The following COLGALT2 variants were observed in gnomAD, a reference collection of about 807,000 sequenced individuals.
COLGALT2 encodes the protein collagen beta(1-O)galactosyltransferase 2.
COLGALT2 carries 49 observed loss-of-function variants against 73.4 expected under a neutral mutation model. That is an observed-to-expected ratio of 0.67 (90% CI 0.53 to 0.85). COLGALT2 has a LOEUF of 0.85. COLGALT2 is among the 40% of genes least tolerant of loss of function. COLGALT2 has a pLI of 0.00. For missense variants in COLGALT2, 722 were observed against 790.2 expected (o/e 0.91, Z 1.03); for synonymous variants, 295 against 307.6 (o/e 0.96, Z 0.43).
At chr1:184,003,602 C>A (rs1408290354) in intron 1 of COLGALT2, among the ~76,000 whole-genome samples, 2 of 152,072 alleles carry the variant, frequency 1.3e-5, no homozygotes, top group South Asian at 4.1e-4. Context: ...CCTGCTGTGC[C>A]CTTTATGAAT....
chr1:183,937,864 G>A lies in COLGALT2; in HGVS notation c.*897C>T. The A allele has an allele frequency of 1.0e-6, 1 of 985,464 alleles. No individual in the cohort carries two copies. Among genetic ancestry groups the A allele is most frequent in the South Asian group, 4.7e-5 (1 of 21,286 alleles). The allele number at this position is 985,464 out of a possible 1,614,324, so 61.0% of individuals were successfully genotyped here. A position where few individuals can be genotyped will look rare whatever the true frequency, so the allele number is the denominator to read the frequency against. On this transcript the variant is annotated 3_prime_UTR_variant, in exon 12 of 12. Coordinates refer to ENST00000361927, the MANE Select transcript of COLGALT2 (RefSeq NM_015101.4). ...GTGACTCACAGAACTCACACCTGCGGTGGGTTCCCAGGCTAAGGGGTGGAG... is the reference window on the plus strand; with the variant it reads ...GTGACTCACAGAACTCACACCTGCGATGGGTTCCCAGGCTAAGGGGTGGAG...
chr1:183,951,373 C>T (rs1172518234), intron 7 of COLGALT2, among the ~76,000 whole-genome samples: 1 of 152,134 alleles, frequency 6.6e-6, no homozygotes, highest in African/African-American at 2.4e-5. Flanking sequence ...TATGTTCTCC[C>T]TTCTCTTGAA....
At chr1:183,951,647 G>A (rs979395160) in intron 7 of COLGALT2, among the ~76,000 whole-genome samples, 15 of 151,992 alleles carry the variant, frequency 9.9e-5, no homozygotes, top group South Asian at 2.1e-4. Context: ...ACCAAAGAAG[G>A]TAAAGATCTT....
chr1:184,021,571 C>T (rs1294239745), intron 1 of COLGALT2, among the ~76,000 whole-genome samples: 3 of 152,154 alleles, frequency 2.0e-5, no homozygotes, highest in African/African-American at 4.8e-5. Flanking sequence ...CAGATGCCAG[C>T]CCCTCAATTT....
intron 1 of COLGALT2, among the ~76,000 whole-genome samples, chr1:184,035,382 T>G (rs1217712785): frequency 6.6e-6 from 1 of 152,224 alleles, no homozygotes; most frequent in Non-Finnish European, 1.5e-5. Flanking sequence ...AATTTGTAGA[T>G]TATAGGCTTA....
At chr1:184,028,217 C>A (rs1649388971) in intron 1 of COLGALT2, among the ~76,000 whole-genome samples, 2 of 152,190 alleles carry the variant, frequency 1.3e-5, no homozygotes, top group Non-Finnish European at 2.9e-5. Context: ...TACAACCACA[C>A]TTTTCACAAC....
At chr1:183,997,285 C>A (rs2102835381) in intron 1 of COLGALT2, among the ~76,000 whole-genome samples, 1 of 152,040 alleles carries the variant, frequency 6.6e-6, no homozygotes, top group East Asian at 1.9e-4. Flanking sequence ...ATAAATTTTA[C>A]CATGTAAGAT....
intron 8 of COLGALT2, among the ~76,000 whole-genome samples, chr1:183,947,105 A>G (rs1670272929): frequency 6.6e-6 from 1 of 152,218 alleles, no homozygotes; most frequent in South Asian, 2.1e-4. Context: ...CCTCAGAACC[A>G]TGAAACTGGA....
Position 183,950,978 on chromosome 1 carries a change from T to A in COLGALT2, c.1136+29A>T, listed in dbSNP as rs74133055. The A allele has an allele frequency of 6.0e-6, 9 of 1,490,680 alleles. No homozygotes were observed. The East Asian group carries it at 2.0e-4, about 34-fold the overall frequency. The allele number at this position is 1,490,680 out of a possible 1,614,324, so 92.3% of individuals were successfully genotyped here. A position where few individuals can be genotyped will look rare whatever the true frequency, so the allele number is the denominator to read the frequency against. ...AAGACACATCCACACTCCAATCACA[T>A]CTGCAATGGGAGAAGAAACCCAACT... is the stretch of plus-strand genomic sequence containing the variant. On this transcript the variant is annotated intron_variant, in intron 8 of 11. Coordinates refer to ENST00000361927, the MANE Select transcript of COLGALT2 (RefSeq NM_015101.4).
chr1:184,003,434 T>C (rs1671982956), intron 1 of COLGALT2, among the ~76,000 whole-genome samples: 1 of 152,194 alleles, frequency 6.6e-6, no homozygotes, highest in Admixed American at 6.5e-5. Context: ...TACCGATAGA[T>C]GCTCTGCTCA....
chr1:184,013,069 C>T (rs1370875291), intron 1 of COLGALT2, among the ~76,000 whole-genome samples: 1 of 152,216 alleles, frequency 6.6e-6, no homozygotes, highest in Non-Finnish European at 1.5e-5. Context: ...AATCTCAGCA[C>T]TTTGGGAGGC....
intron 4 of COLGALT2, among the ~76,000 whole-genome samples, chr1:183,972,617 A>G (rs1369472682): frequency 6.6e-6 from 1 of 152,064 alleles, no homozygotes; most frequent in Non-Finnish European, 1.5e-5. Context: ...AAAATAACCT[A>G]CCATGGTAGT....
chr1:183,976,355 T>TA (rs1558322228), intron 2 of COLGALT2, among the ~76,000 whole-genome samples: 1 of 148,348 alleles, frequency 6.7e-6, no homozygotes, highest in Admixed American at 6.7e-5. Context: ...GTATATATTA[T>TA]ATCATATTTA....
In COLGALT2 at chr1:183,936,521, C is replaced by T. The variant is rs1669959038; in HGVS notation, c.*2240G>A. The T allele has an allele frequency of 1.9e-6, 2 of 1,030,122 alleles. No individual in the cohort carries two copies. The highest frequency in any genetic ancestry group is 4.6e-5 in the South Asian group (1 of 21,626). 63.8% of individuals were successfully genotyped at this position (1,030,122 alleles called of 1,614,324 possible). ...TCTGTCAGACCAGCTGACAGGGGAA[C>T]AGGAAAAAAAAAATTCTCTATTAAA... is the stretch of plus-strand genomic sequence containing the variant. On this transcript the variant is annotated 3_prime_UTR_variant, in exon 12 of 12. Coordinates refer to ENST00000361927, the MANE Select transcript of COLGALT2 (RefSeq NM_015101.4).
At chr1:184,023,653 G>GA (rs1431717983) in intron 1 of COLGALT2, among the ~76,000 whole-genome samples, 1 of 151,666 alleles carries the variant, frequency 6.6e-6, no homozygotes, top group African/African-American at 2.4e-5. Context: ...TGGGGGGGGG[G>GA]GGCGGTGCCG....
chr1:183,939,326 C>T (rs747918946), intron 11 of COLGALT2, among the ~76,000 whole-genome samples: 21 of 152,144 alleles, frequency 1.4e-4, no homozygotes, highest in Non-Finnish European at 2.6e-4. Flanking sequence ...CCCTGTTAGA[C>T]CATAATGATA....
intron 8 of COLGALT2, among the ~76,000 whole-genome samples, chr1:183,947,495 C>T (rs967245415): frequency 2.6e-5 from 4 of 152,114 alleles, no homozygotes; most frequent in African/African-American, 7.2e-5. Context: ...TTAAACAATA[C>T]ACTCCTAACC....
chr1:184,017,661 T>C (rs2102852466), intron 1 of COLGALT2, among the ~76,000 whole-genome samples: 1 of 152,314 alleles, frequency 6.6e-6, no homozygotes, highest in Non-Finnish European at 1.5e-5. Flanking sequence ...TCTTAGCCAA[T>C]TGCTTATAAA....
intron 7 of COLGALT2, among the ~76,000 whole-genome samples, chr1:183,954,087 C>T (rs74133057): frequency 0.016 from 2,478 of 152,276 alleles, 64 homozygotes; most frequent in African/African-American, 0.056. Flanking sequence ...AGGGGACACC[C>T]ATGAGAGAGT....
Sources: gnomAD v4.1 joint callset for allele counts (sites outside exome capture counted in the v4.1 genomes callset) on GRCh38, gnomAD v4.1.1 for gene constraint, MANE v1.5 for transcripts, NCBI Gene and HGNC (gene_info 2026-07-23, HGNC 2026-07-21) for gene names.